The following SDK2 variants were observed in gnomAD, a reference collection of about 807,000 sequenced individuals.
The protein encoded by SDK2 is sidekick cell adhesion molecule 2, also known as protein sidekick-2.
A neutral mutation model predicts 253.9 loss-of-function variants in SDK2; 105 were observed. The ratio of observed to expected loss-of-function variants is 0.41; its 90% CI spans 0.35 to 0.49. The LOEUF (loss-of-function observed/expected upper bound fraction) is 0.49. Ranked by LOEUF, SDK2 falls within the 20% of genes least tolerant of loss-of-function variation. The pLI is 0.06. For missense variants in SDK2, 2,608 were observed against 3,003.0 expected (o/e 0.87, Z 3.07); for synonymous variants, 1,249 against 1,234.9 (o/e 1.01, Z -0.24).
At chr17:73,445,585 A>T (rs1233246617) in intron 5 of SDK2, among the ~76,000 whole-genome samples, 1 of 151,974 alleles carries the variant, frequency 6.6e-6, no homozygotes, top group African/African-American at 2.4e-5. Flanking sequence ...TCCAGGAGGG[A>T]TGGAGGAAGC....
intron 18 of SDK2, among the ~76,000 whole-genome samples, chr17:73,405,508 AT>A (rs1568385759): frequency 0.042 from 2,862 of 68,752 alleles, 752 homozygotes; most frequent in Admixed American, 0.066. Context: ...ATATATATAT[AT>A]ATATATATAA....
At chr17:73,559,836 G>A (rs965403130) in intron 1 of SDK2, among the ~76,000 whole-genome samples, 1 of 152,238 alleles carries the variant, frequency 6.6e-6, no homozygotes, top group Non-Finnish European at 1.5e-5. Context: ...GAGAGAAAGA[G>A]AGGGTCTGAG....
intron 1 of SDK2, among the ~76,000 whole-genome samples, chr17:73,558,356 G>A (rs1328808319): frequency 6.6e-6 from 1 of 151,854 alleles, no homozygotes; most frequent in Non-Finnish European, 1.5e-5. Flanking sequence ...ACCATGCCCA[G>A]GTAGAGATGG....
In SDK2 at chr17:73,511,269, A is replaced by T. The variant is rs1168135489; in HGVS notation, c.65-3672T>A. ...ATTAAATCCCTTCCATGTGGGGCTGACTCAGAGCCAGAACAGTCAGAGGGG... is the reference window on the plus strand; with the variant it reads ...ATTAAATCCCTTCCATGTGGGGCTGTCTCAGAGCCAGAACAGTCAGAGGGG... On this transcript the variant is annotated intron_variant, in intron 1 of 44. Coordinates refer to ENST00000392650, the MANE Select transcript of SDK2 (RefSeq NM_001144952.2). This position sits in a 1 kb window ranked among gnomAD's most constrained non-coding sequence, Gnocchi z 4.9. Among the ~76,000 whole-genome samples, 1 of 152,218 alleles carries T rather than the reference A, an allele frequency of 6.6e-6. No homozygotes were observed. The highest frequency in any genetic ancestry group is 1.9e-4 in the East Asian group (1 of 5,200).
intron 1 of SDK2, among the ~76,000 whole-genome samples, chr17:73,510,020 AC>A (rs1420698577): frequency 6.6e-6 from 1 of 151,392 alleles, no homozygotes; most frequent in Non-Finnish European, 1.5e-5. Flanking sequence ...AAGGGAGTGG[AC>A]CCAGGTGGTA....
intron 1 of SDK2, among the ~76,000 whole-genome samples, chr17:73,556,864 A>G (rs1696266810): frequency 6.6e-6 from 1 of 152,144 alleles, no homozygotes; most frequent in Admixed American, 6.5e-5. Context: ...GGTGATGATG[A>G]TCATAGAAAC....
At chr17:73,544,639 G>T (rs2145826556) in intron 1 of SDK2, among the ~76,000 whole-genome samples, 1 of 152,266 alleles carries the variant, frequency 6.6e-6, no homozygotes, top group East Asian at 1.9e-4. Context: ...GATGGATAGT[G>T]GATGGATGGT....
rs185909715 is a variant in SDK2 at position 73,511,896 on chromosome 17, C to A, written c.65-4299G>T. ...ACGTGTGGACGTGTCTATGTGTGCA[C>A]GTGTTTATGTGTGCAGGTGTGTGTG... is the stretch of plus-strand genomic sequence containing the variant. On this transcript the variant is annotated intron_variant, in intron 1 of 44. Coordinates refer to ENST00000392650, the MANE Select transcript of SDK2 (RefSeq NM_001144952.2). The surrounding 1 kb of genome is among the most constrained non-coding windows in gnomAD (Gnocchi z 4.9). Among the ~76,000 whole-genome samples, 51 of 152,112 alleles carry A rather than the reference C, an allele frequency of 3.4e-4. No homozygotes were observed. Among genetic ancestry groups the A allele is most frequent in the Admixed American group, 7.2e-4 (11 of 15,288 alleles).
At chr17:73,490,756 G>A (rs1010617062) in intron 2 of SDK2, among the ~76,000 whole-genome samples, 2 of 151,704 alleles carry the variant, frequency 1.3e-5, no homozygotes, top group Non-Finnish European at 2.9e-5. Flanking sequence ...GAACCCCTGA[G>A]CTCAAGTGAT....
In SDK2 at chr17:73,361,530, G is replaced by C. The variant is rs369740276; in HGVS notation, c.5467+154C>G. 2.0e-5 allele frequency among the ~76,000 whole-genome samples: 3 copies of C among 152,202 alleles called. No individual in the cohort carries two copies. Among genetic ancestry groups the C allele is most frequent in the East Asian group, 3.9e-4 (2 of 5,170 alleles). The stretch of plus-strand genomic sequence containing the variant: ...AGCGTGGAGCCCGGGAGGAGGGAGC[G>C]GGGGGAGGGGTCACTGGGCACCAGG... On this transcript the variant is annotated intron_variant, in intron 39 of 44. Coordinates refer to ENST00000392650, the MANE Select transcript of SDK2 (RefSeq NM_001144952.2). The surrounding 1 kb of genome is among the most constrained non-coding windows in gnomAD (Gnocchi z 4.1).
At position 73,431,724 on chromosome 17, in the gene SDK2, C is replaced by T. The variant is rs901331897; in HGVS notation, c.1313-55G>A. ...TGTAGCCCCCAAGGGCACACCCTGC[C>T]CTTCCCTGGCCGCTCCAGGGCAGCA... On this transcript the variant is annotated intron_variant, in intron 10 of 44. Transcript: ENST00000392650. The surrounding 1 kb of genome is among the most constrained non-coding windows in gnomAD (Gnocchi z 5.6). The T allele has an allele frequency of 8.7e-6, 13 of 1,502,536 alleles. No individual in the cohort carries two copies. The Admixed American group carries it at 1.3e-4, about 15-fold the overall frequency. 93.1% of individuals were successfully genotyped at this position (1,502,536 alleles called of 1,614,324 possible).
At position 73,618,133 on chromosome 17, in the gene SDK2, C is replaced by T. The variant is rs2046083886; in HGVS notation, c.64+25892G>A. 6.6e-6 allele frequency among the ~76,000 whole-genome samples: 1 copy of T among 152,082 alleles called. No homozygotes were observed. On this transcript the variant is annotated intron_variant, in intron 1 of 44. Transcript: ENST00000392650. The surrounding 1 kb of genome is among the most constrained non-coding windows in gnomAD (Gnocchi z 4.1). ...CCAGGCAAATGCAAGAGACCTTGAACCAATAGATAGGTTTCCTTACCTGCA... is the reference window on the plus strand; with the variant it reads ...CCAGGCAAATGCAAGAGACCTTGAATCAATAGATAGGTTTCCTTACCTGCA...
chr17:73,412,272 A>ATG (rs199817011), intron 18 of SDK2, among the ~76,000 whole-genome samples: 10 of 148,496 alleles, frequency 6.7e-5, no homozygotes, highest in East Asian at 2.0e-4. Flanking sequence ...ACATATATAT[A>ATG]TGTGTGTGTG....
chr17:73,363,975 A>C (rs562068054), intron 38 of SDK2, among the ~76,000 whole-genome samples: 9 of 151,754 alleles, frequency 5.9e-5, no homozygotes, highest in African/African-American at 2.2e-4. Context: ...ACTGAGGGCC[A>C]TTGTTCCCTA....
rs751953509 is a variant in SDK2, at chr17:73,348,629, C to G, written c.6135G>C (p.Thr2045=). The stretch of plus-strand genomic sequence containing the variant: ...AGTCGGAGATTTCTGAGGGCTTCTC[C>G]GTCAGGCTGCTGCTCTCTGCAGGGA... The part of the protein sequence containing the change: ...DLIPAESSSL[T]EKPSEISDSQ... The change falls in exon 44 of 45, where the codon ACG becomes ACC. Residue 2045 remains threonine, a synonymous_variant. Coordinates refer to ENST00000392650, the MANE Select transcript of SDK2 (RefSeq NM_001144952.2). 3 of 1,613,104 alleles carry G rather than the reference C, an allele frequency of 1.9e-6. No individual in the cohort carries two copies. Among genetic ancestry groups the G allele is most frequent in the Non-Finnish European group, 2.5e-6 (3 of 1,179,766 alleles).
chr17:73,440,840 C>T lies in SDK2; in HGVS notation c.697G>A (p.Val233Ile), dbSNP rs2063409787. Residue 233 changes from valine (V) to isoleucine (I), a missense_variant, in exon 6 of 45, where the codon GTT (valine) becomes ATT (isoleucine). By Grantham distance (29) the Val-to-Ile change is conservative (BLOSUM62 3). Coordinates refer to ENST00000392650, the MANE Select transcript of SDK2 (RefSeq NM_001144952.2). ...GCATTGGCCACACACTCCAAGGTAA[C>T]CTCTGAGGTGCCGGCCACCACGCTG... ...NTSVVAGTSEVTLECVANARP... is the reference protein window; with the variant it reads ...NTSVVAGTSEITLECVANARP... 3.2e-6 allele frequency: 5 copies of T among 1,551,700 alleles called. No individual in the cohort carries two copies. The highest frequency in any genetic ancestry group is 2.6e-6 in the Non-Finnish European group (3 of 1,146,958).
chr17:73,369,274 G>A, intron 36 of SDK2: 1 of 386,048 alleles, frequency 2.6e-6, no homozygotes, highest in South Asian at 1.9e-5. Flanking sequence ...CAGACAGAGT[G>A]TGGTGCAAGT....
intron 1 of SDK2, among the ~76,000 whole-genome samples, chr17:73,569,146 A>G (rs2145863809): frequency 6.6e-6 from 1 of 151,900 alleles, no homozygotes; most frequent in Admixed American, 6.5e-5. Flanking sequence ...TAAGAGATAG[A>G]GCTGGGGTTG....
At chr17:73,492,663 G>A (rs1277308688) in intron 2 of SDK2, among the ~76,000 whole-genome samples, 2 of 152,162 alleles carry the variant, frequency 1.3e-5, no homozygotes, top group East Asian at 3.9e-4. Flanking sequence ...CCATCCCAGC[G>A]GACTTGGGCG....
Sources: gnomAD v4.1 joint callset for allele counts (sites outside exome capture counted in the v4.1 genomes callset) on GRCh38, gnomAD v4.1.1 for gene constraint, Gnocchi (gnomAD v3.1) non-coding constraint, MANE v1.5 for transcripts, NCBI Gene and HGNC (gene_info 2026-07-23, HGNC 2026-07-21) for gene names.